The following SCN8A variants were observed in gnomAD, a reference collection of about 807,000 sequenced individuals.
SCN8A encodes the protein sodium voltage-gated channel alpha subunit 8.
A neutral mutation model predicts 184.1 loss-of-function variants in SCN8A; 30 were observed. That is an observed-to-expected ratio of 0.16 (90% CI 0.12 to 0.22). The LOEUF (loss-of-function observed/expected upper bound fraction) is 0.22, where lower values mean the gene tolerates loss of function less well. SCN8A is among the 10% of genes least tolerant of loss of function. The pLI is 1.00. For missense variants in SCN8A, 1,057 were observed against 2,498.9 expected (o/e 0.42, Z 12.30); for synonymous variants, 852 against 907.0 (o/e 0.94, Z 1.09).
intron 11 of SCN8A, among the ~76,000 whole-genome samples, chr12:51,720,872 C>T (rs1942041732): frequency 6.6e-6 from 1 of 151,550 alleles, no homozygotes; most frequent in Non-Finnish European, 1.5e-5. Flanking sequence ...TTGAGACCAG[C>T]CTGGCCAACA....
chr12:51,772,075 C>A (rs991077680), intron 19 of SCN8A, among the ~76,000 whole-genome samples: 5 of 152,020 alleles, frequency 3.3e-5, no homozygotes, highest in African/African-American at 1.2e-4. Flanking sequence ...ACCTGCAGAC[C>A]CTGTGCAACA....
chr12:51,741,417 C>T (rs1942421700), intron 12 of SCN8A, among the ~76,000 whole-genome samples: 1 of 152,094 alleles, frequency 6.6e-6, no homozygotes, highest in African/African-American at 2.4e-5. Flanking sequence ...TGCATTTAGC[C>T]ACTCTATGTC....
At chr12:51,732,717 T>C (rs1942263122) in intron 12 of SCN8A, among the ~76,000 whole-genome samples, 1 of 152,178 alleles carries the variant, frequency 6.6e-6, no homozygotes. Flanking sequence ...CTTTCCAGTT[T>C]TTTGCATCCT....
chr12:51,790,651 A>C lies in SCN8A; in HGVS notation c.4524+149A>C, dbSNP rs1443723505. On this transcript the variant is annotated intron_variant, in intron 25 of 26. Transcript: ENST00000627620. ...CACCCATCCAAAAGATCTGAATAGG[A>C]CAGCAGAAGAACAGGGATTAAGGCA... is the stretch of plus-strand genomic sequence containing the variant. The C allele has an allele frequency of 1.2e-5, 7 of 588,966 alleles. No individual in the cohort carries two copies. The East Asian group carries it at 2.2e-4, about 18-fold the overall frequency. The allele number at this position is 588,966 out of a possible 1,614,324, so 36.5% of individuals were successfully genotyped here.
chr12:51,769,358 G>A, intron 17 of SCN8A, 23 bp downstream of exon 17: 1 of 1,533,342 alleles, frequency 6.5e-7, no homozygotes, highest in Non-Finnish European at 8.9e-7. Context: ...CCTAGAAACA[G>A]CCTTGATCCT....
intron 14 of SCN8A, among the ~76,000 whole-genome samples, chr12:51,761,935 GA>G (rs574849760): frequency 9.1e-5 from 13 of 143,574 alleles, no homozygotes; most frequent in East Asian, 2.0e-4. Context: ...CTGTGTATTT[GA>G]AAAAAAAAAC....
intron 20 of SCN8A, among the ~76,000 whole-genome samples, chr12:51,777,741 T>C (rs1937751749): frequency 6.6e-6 from 1 of 152,204 alleles, no homozygotes; most frequent in South Asian, 2.1e-4. Context: ...CTATTTGTTA[T>C]CAGATAAGTC....
intron 11 of SCN8A, among the ~76,000 whole-genome samples, chr12:51,708,480 A>G (rs1212950521): frequency 6.6e-6 from 1 of 152,232 alleles, no homozygotes; most frequent in Non-Finnish European, 1.5e-5. Flanking sequence ...CCCATTTTAA[A>G]GAAATGCTGG....
chr12:51,752,894 A>G (rs1465885016), intron 14 of SCN8A, among the ~76,000 whole-genome samples: 1 of 152,180 alleles, frequency 6.6e-6, no homozygotes, highest in African/African-American at 2.4e-5. Context: ...TTTATTGTTG[A>G]TGTTGGTGGT....
chr12:51,718,425 T>C (rs565312807), intron 11 of SCN8A, among the ~76,000 whole-genome samples: 2 of 151,704 alleles, frequency 1.3e-5, no homozygotes, highest in East Asian at 3.9e-4. Flanking sequence ...GTTTGAGGCA[T>C]ATTTCTGTTT....
chr12:51,679,246 TAAAAA>T (rs1941283407), intron 2 of SCN8A, among the ~76,000 whole-genome samples: 1 of 151,892 alleles, frequency 6.6e-6, no homozygotes, highest in African/African-American at 2.4e-5. Context: ...CTACAAAAAA[TAAAAA>T]TAAAAGATAA....
intron 12 of SCN8A, among the ~76,000 whole-genome samples, chr12:51,723,401 G>A (rs1442262556): frequency 6.6e-6 from 1 of 152,030 alleles, no homozygotes; most frequent in Admixed American, 6.6e-5. Flanking sequence ...CTGAGGCAGG[G>A]GGATCACATG....
At chr12:51,607,460 T>C (rs1939620343) in intron 1 of SCN8A, among the ~76,000 whole-genome samples, 1 of 152,174 alleles carries the variant, frequency 6.6e-6, no homozygotes, top group Non-Finnish European at 1.5e-5. Context: ...CTTCCAGTAC[T>C]ATGTTGAAGA....
chr12:51,768,983 G>T lies in SCN8A; in HGVS notation c.3020G>T (p.Gly1007Val), dbSNP rs895478717. 6.2e-7 allele frequency: 1 copy of T among 1,614,024 alleles called. No individual in the cohort carries two copies. Residue 1007 changes from glycine to valine, a missense_variant, in exon 17 of 27, where the codon GGT (glycine) becomes GTT (valine). Physicochemically the swap from Gly to Val is moderately radical, Grantham distance 109 (BLOSUM62 -3). This residue lies in a region of SCN8A where 178 missense variants were observed against 259.6 expected (regional missense o/e 0.69). Transcript: ENST00000627620. ...LQISVIRIKK[G>V]VAWTKLKVHA... is the part of the protein sequence containing the mutation. ...ATCTCAGTGATCCGTATCAAGAAGG[G>T]TGTGGCCTGGACCAAACTAAAGGTG...
In SCN8A at chr12:51,765,859, C is replaced by T. The variant is rs763201344; in HGVS notation, c.2733C>T (p.Asp911=). 1.2e-5 allele frequency: 20 copies of T among 1,613,912 alleles called. No homozygotes were observed. The highest frequency in any genetic ancestry group is 1.7e-5 in the Non-Finnish European group (20 of 1,179,976). ...AGTGTGTCTGCAAGATCAACCAGGA[C>T]TGTGAACTCCCTCGCTGGCATATGC... is the stretch of plus-strand genomic sequence containing the variant. ...YKECVCKINQ[D]CELPRWHMHD... is the part of the protein sequence containing the mutation. Residue 911 remains aspartate, a synonymous_variant, in exon 16 of 27, where the codon GAC becomes GAT. Coordinates refer to ENST00000627620, the MANE Select transcript of SCN8A (RefSeq NM_001330260.2).
chr12:51,592,927 G>T (rs1158484148), intron 1 of SCN8A, among the ~76,000 whole-genome samples: 1 of 151,974 alleles, frequency 6.6e-6, no homozygotes, highest in Non-Finnish European at 1.5e-5. Context: ...GATGTGGAGG[G>T]GGGGATGTTG....
chr12:51,801,868 A>T (rs993290934), intron 26 of SCN8A, among the ~76,000 whole-genome samples: 2 of 152,166 alleles, frequency 1.3e-5, no homozygotes, highest in African/African-American at 4.8e-5. Flanking sequence ...CAGCCTGGCC[A>T]ATATGGTGAA....
rs1378729575 is a variant in SCN8A at position 51,782,609 on chromosome 12, A to G, written c.3942+1838A>G. ...CCTGAAGAAATCCCCCCATCCCCCT[A>G]CAAAAGAAATGCCCATCTGACCCAT... On this transcript the variant is annotated intron_variant, in intron 21 of 26. Coordinates refer to ENST00000627620, the MANE Select transcript of SCN8A (RefSeq NM_001330260.2). Among the ~76,000 whole-genome samples the G allele has an allele frequency of 5.3e-5, 8 of 152,258 alleles. No homozygotes were observed. In the South Asian group the frequency reaches 1.7e-3, roughly 32 times the overall value.
At chr12:51,771,117 G>A (rs1272846367) in intron 19 of SCN8A, among the ~76,000 whole-genome samples, 1 of 152,164 alleles carries the variant, frequency 6.6e-6, no homozygotes, top group East Asian at 1.9e-4. Context: ...TGGTACAAAG[G>A]TTATTTATAT....
Sources: allele counts gnomAD v4.1 joint callset (sites outside exome capture counted in the v4.1 genomes callset), GRCh38; gene constraint gnomAD v4.1.1; regional missense constraint gnomAD v4.1.1; transcripts MANE v1.5; gene names NCBI Gene and HGNC (gene_info 2026-07-23, HGNC 2026-07-21).